CCDC62: variants seen among roughly 807,000 people sequenced by gnomAD.
CCDC62 encodes the protein coiled-coil domain containing 62.
In CCDC62, 72 loss-of-function variants were observed where a neutral mutation model predicts 80.8. The observed-to-expected ratio is 0.89, with a 90% CI of 0.74 to 1.08. CCDC62 has a LOEUF of 1.08. Ranked by LOEUF, CCDC62 falls within the 50% of genes least tolerant of loss-of-function variation. The pLI is 0.00. For missense variants in CCDC62, 704 were observed against 809.4 expected (o/e 0.87, Z 1.58); for synonymous variants, 286 against 296.5 (o/e 0.96, Z 0.36).
chr12:122,802,308 A>G (rs997587377), intron 9 of CCDC62, among the ~76,000 whole-genome samples: 2 of 150,778 alleles, frequency 1.3e-5, no homozygotes, highest in African/African-American at 4.9e-5. Context: ...GTGGTGGCTC[A>G]TGCCTGTAAT....
At chr12:122,796,225 A>G (rs1332618721) in intron 6 of CCDC62, among the ~76,000 whole-genome samples, 1 of 146,772 alleles carries the variant, frequency 6.8e-6, no homozygotes, top group Non-Finnish European at 1.5e-5. Context: ...ACTGGCCAAC[A>G]TTCAGATATA....
intron 11 of CCDC62, among the ~76,000 whole-genome samples, chr12:122,821,561 C>G (rs1012447616): frequency 6.6e-6 from 1 of 152,154 alleles, no homozygotes; most frequent in Non-Finnish European, 1.5e-5. Flanking sequence ...GCGGTCCTCC[C>G]ACTTCAGCCT....
chr12:122,814,994 C>T (rs1397994943), intron 11 of CCDC62, among the ~76,000 whole-genome samples: 1 of 151,456 alleles, frequency 6.6e-6, no homozygotes, highest in Non-Finnish European at 1.5e-5. Context: ...GCCATGCCCA[C>T]TCTGTTTGCC....
intron 11 of CCDC62, among the ~76,000 whole-genome samples, chr12:122,814,853 C>T (rs1024978739): frequency 6.7e-6 from 1 of 149,576 alleles, no homozygotes; most frequent in Non-Finnish European, 1.5e-5. Flanking sequence ...CAGCATCTTC[C>T]TCTGTTGCCC....
Position 122,777,576 on chromosome 12 carries a change from A to G in CCDC62, c.122A>G (p.Asp41Gly), listed in dbSNP as rs1397747153. ...QLLIGELKDR[D>G]KELNDMVAVH... ...CTCATTGGAGAATTAAAAGATCGAG[A>G]TAAAGAGCTCAATGACATGGTTGCA... The change falls in exon 2 of 13, where the codon GAT (aspartate) becomes GGT (glycine). Residue 41 changes from aspartate (D) to glycine (G), a missense_variant. Physicochemically the swap from Asp to Gly is moderately conservative, Grantham distance 94. Coordinates refer to ENST00000253079, the MANE Select transcript of CCDC62 (RefSeq NM_201435.5). 6.2e-7 allele frequency: 1 copy of G among 1,614,170 alleles called. No homozygotes were observed. Among genetic ancestry groups the G allele is most frequent in the African/African-American group, 1.3e-5 (1 of 75,056 alleles).
chr12:122,777,465 G>C (rs371043007), intron 1 of CCDC62, 26 bp from the exon 2 acceptor site: 202 of 1,576,542 alleles, frequency 1.3e-4, no homozygotes, highest in Non-Finnish European at 1.6e-4. Context: ...ATTCTATTTT[G>C]ATGTGAAACC....
At chr12:122,797,550 TA>T (rs1297965413) in intron 7 of CCDC62, among the ~76,000 whole-genome samples, 155 bp downstream of exon 7, 1 of 152,208 alleles carries the variant, frequency 6.6e-6, no homozygotes, top group Non-Finnish European at 1.5e-5. Flanking sequence ...TTATTATTAT[TA>T]TTTTTTTGAG....
chr12:122,788,367 G>A (rs1280409391), intron 4 of CCDC62, among the ~76,000 whole-genome samples: 3 of 152,176 alleles, frequency 2.0e-5, no homozygotes, highest in Admixed American at 6.5e-5. Context: ...TCCAGAGGAC[G>A]ATTTTCCCAT....
chr12:122,800,414 C>G (rs1431919429), intron 8 of CCDC62, among the ~76,000 whole-genome samples: 1 of 149,966 alleles, frequency 6.7e-6, no homozygotes, highest in Non-Finnish European at 1.5e-5. Flanking sequence ...GACCCTGTCT[C>G]TATAAAAAAA....
chr12:122,780,271 G>A lies in CCDC62; in HGVS notation c.230-893G>A, dbSNP rs551514077. Among the ~76,000 whole-genome samples, 227 of 139,714 alleles carry A rather than the reference G, an allele frequency of 1.6e-3. 2 individuals are homozygous for A. The highest frequency in any genetic ancestry group is 0.011 in the Middle Eastern group (2 of 174). 91.7% of individuals were successfully genotyped at this position (139,714 alleles called of 152,430 possible). On this transcript the variant is annotated intron_variant, in intron 2 of 12. Coordinates refer to ENST00000253079, the MANE Select transcript of CCDC62 (RefSeq NM_201435.5). ...GGTTGCAGTAAGCCGAGATCGTGCC[G>A]TTGCCCTCCAGCCTGGGCAACAGAG... is the stretch of plus-strand genomic sequence containing the variant.
rs202205961 is a variant in CCDC62, at chr12:122,788,873, A to G, written c.614A>G (p.Lys205Arg). Residue 205 changes from lysine to arginine, a missense_variant, in exon 5 of 13, where the codon AAG becomes AGG. Physicochemically the swap from Lys to Arg is conservative, Grantham distance 26 (BLOSUM62 2). Coordinates refer to ENST00000253079, the MANE Select transcript of CCDC62 (RefSeq NM_201435.5). ...GCGGAGACTTGTATTGTGAAAGAAAAGCAAGATTATAAGCAGAAATTGAAG... is the reference window on the plus strand; with the variant it reads ...GCGGAGACTTGTATTGTGAAAGAAAGGCAAGATTATAAGCAGAAATTGAAG... ...KMAETCIVKE[K>R]QDYKQKLKAL... The G allele has an allele frequency of 4.3e-6, 7 of 1,611,680 alleles. No individual in the cohort carries two copies. In the African/African-American group the frequency reaches 9.4e-5, roughly 22 times the overall value.
intron 9 of CCDC62, among the ~76,000 whole-genome samples, chr12:122,804,814 C>T (rs1357567104): frequency 6.6e-6 from 1 of 151,228 alleles, no homozygotes; most frequent in Non-Finnish European, 1.5e-5. Flanking sequence ...AACTCCTGGG[C>T]TCAGGTGATC....
At chr12:122,797,476 G>A (rs1451564322) in intron 7 of CCDC62, 81 bp downstream of exon 7, 13 of 746,330 alleles carry the variant, frequency 1.7e-5, no homozygotes, top group South Asian at 9.2e-5. Context: ...TATGCCCGTC[G>A]ATTTTGTTTA....
In CCDC62 at chr12:122,802,682, G is replaced by A. The variant is rs142223818; in HGVS notation, c.1706+830G>A. Among the ~76,000 whole-genome samples, 715 of 151,640 alleles carry A rather than the reference G, an allele frequency of 4.7e-3. 8 individuals carry two copies. The highest frequency in any genetic ancestry group is 0.016 in the African/African-American group (682 of 41,364). On this transcript the variant is annotated intron_variant, in intron 9 of 12. Transcript: ENST00000253079. The stretch of plus-strand genomic sequence containing the variant: ...ACCCACCTTGGCCTCCCAAATTGCT[G>A]TGATTACAGGCATGAGCCACCACAC...
At chr12:122,808,411 A>G (rs767644131) in intron 10 of CCDC62, among the ~76,000 whole-genome samples, 48 of 152,356 alleles carry the variant, frequency 3.2e-4, no homozygotes, top group Admixed American at 1.0e-3. Context: ...GCTAGATAAT[A>G]CAAATAAAGC....
intron 6 of CCDC62, among the ~76,000 whole-genome samples, chr12:122,796,871 CTTCTTCTT>C (rs1357629639): frequency 8.0e-5 from 2 of 25,142 alleles, no homozygotes; most frequent in Non-Finnish European, 2.6e-4. Context: ...CTACAAATCA[CTTCTTCTT>C]TTTTTTTTTT....
rs1269434103 is a variant in CCDC62, at chr12:122,791,552, G to A, written c.671-468G>A. On this transcript the variant is annotated intron_variant, in intron 5 of 12. Transcript: ENST00000253079. ...CAACCTCTGCCACCTGGATTCAAGC[G>A]ATTTTCCTGCCTCAGGCTCCTGAGT... Among the ~76,000 whole-genome samples, 8 of 150,930 alleles carry A rather than the reference G, an allele frequency of 5.3e-5. No individual in the cohort carries two copies. In the South Asian group the frequency reaches 1.3e-3, roughly 24 times the overall value.
chr12:122,822,420 C>T (rs927918110), intron 11 of CCDC62, among the ~76,000 whole-genome samples: 11 of 151,920 alleles, frequency 7.2e-5, no homozygotes, highest in South Asian at 6.2e-4. Context: ...TTATTATTAA[C>T]CATAGTCATG....
Position 122,827,050 on chromosome 12 carries a change from C to T in CCDC62, c.*669C>T, listed in dbSNP as rs1343272209. On this transcript the variant is annotated 3_prime_UTR_variant, in exon 13 of 13. Coordinates refer to ENST00000253079, the MANE Select transcript of CCDC62 (RefSeq NM_201435.5). ...CACAAACAAAAGCTTGCTGGAAGAT[C>T]GAGTTTTAGACGCATTTTTAAAAAT... The T allele has an allele frequency of 2.6e-5, 4 of 152,172 alleles. No homozygotes were observed. Among genetic ancestry groups the T allele is most frequent in the Non-Finnish European group, 4.4e-5 (3 of 68,036 alleles). The allele number at this position is 152,172 out of a possible 1,614,324, so 9.4% of individuals were successfully genotyped here.
Sources: gnomAD v4.1 joint callset for allele counts (sites outside exome capture counted in the v4.1 genomes callset) on GRCh38, gnomAD v4.1.1 for gene constraint, MANE v1.5 for transcripts, NCBI Gene and HGNC (gene_info 2026-07-23, HGNC 2026-07-21) for gene names.